Variants in CDK8 observed in about 807,000 individuals in gnomAD.
The protein encoded by CDK8 is cyclin dependent kinase 8, also known as cyclin-dependent kinase 8.
CDK8 carries 29 observed loss-of-function variants against 71.5 expected under a neutral mutation model. The ratio of observed to expected loss-of-function variants is 0.41; its 90% CI spans 0.30 to 0.55. CDK8 has a LOEUF of 0.55. CDK8 is among the 20% of genes least tolerant of loss of function. The pLI, the probability that CDK8 is intolerant of heterozygous loss-of-function variation, is 0.37. For missense variants in CDK8, 288 were observed against 572.6 expected (o/e 0.50, Z 5.07); for synonymous variants, 161 against 192.1 (o/e 0.84, Z 1.34).
At chr13:26,333,932 G>A (rs1190952847) in intron 1 of CDK8, among the ~76,000 whole-genome samples, 3 of 152,268 alleles carry the variant, frequency 2.0e-5, no homozygotes, top group East Asian at 1.9e-4. Flanking sequence ...CTAAAAAAAT[G>A]TGTGGATGGA....
intron 6 of CDK8, among the ~76,000 whole-genome samples, chr13:26,388,886 G>C (rs1875606726): frequency 1.3e-5 from 2 of 152,100 alleles, no homozygotes; most frequent in Non-Finnish European, 2.9e-5. Flanking sequence ...CATTTATTGG[G>C]TAACTACTAT....
chr13:26,337,073 CGTGA>C (rs1873027104), intron 1 of CDK8, among the ~76,000 whole-genome samples: 3 of 151,976 alleles, frequency 2.0e-5, no homozygotes, highest in African/African-American at 7.2e-5. Context: ...ACACATGTTG[CGTGA>C]GTGTCTTTGA....
intron 4 of CDK8, among the ~76,000 whole-genome samples, chr13:26,361,434 C>T (rs1010459862): frequency 2.6e-5 from 4 of 152,162 alleles, no homozygotes; most frequent in African/African-American, 9.7e-5. Context: ...ACCTAAACTA[C>T]CAAACATCAG....
intron 1 of CDK8, among the ~76,000 whole-genome samples, chr13:26,332,104 T>A (rs529109944): frequency 1.1e-3 from 175 of 152,316 alleles, no homozygotes; most frequent in Non-Finnish European, 1.7e-3. Context: ...GATTTCTTTC[T>A]TGGTTGGATC....
intron 3 of CDK8, among the ~76,000 whole-genome samples, chr13:26,352,340 C>T (rs1275276458): frequency 3.3e-5 from 5 of 152,006 alleles, no homozygotes; most frequent in Admixed American, 2.6e-4. Flanking sequence ...CTCAGCCTCC[C>T]GAGTAGCTGG....
chr13:26,371,662 C>T (rs1874692998), intron 4 of CDK8, among the ~76,000 whole-genome samples: 1 of 152,116 alleles, frequency 6.6e-6, no homozygotes, highest in Admixed American at 6.5e-5. Flanking sequence ...GTCGCCCATG[C>T]TGGAGTGCAA....
chr13:26,263,960 G>A (rs1476056335), intron 1 of CDK8, among the ~76,000 whole-genome samples: 1 of 147,656 alleles, frequency 6.8e-6, no homozygotes. Flanking sequence ...TGTTAGCCAG[G>A]ATGGTCTTGA....
At chr13:26,389,493 C>G (rs1467382451) in intron 6 of CDK8, among the ~76,000 whole-genome samples, 3 of 151,966 alleles carry the variant, frequency 2.0e-5, no homozygotes, top group African/African-American at 7.2e-5. Flanking sequence ...AAAACAGCTG[C>G]CTTCTGAGGC....
At chr13:26,315,157 G>GCAC (rs1874451268) in intron 1 of CDK8, among the ~76,000 whole-genome samples, 1 of 152,102 alleles carries the variant, frequency 6.6e-6, no homozygotes, top group African/African-American at 2.4e-5. Context: ...AGCACTCAAA[G>GCAC]TGTATAATTT....
intron 1 of CDK8, among the ~76,000 whole-genome samples, chr13:26,290,830 T>C (rs1483313281): frequency 1.2e-4 from 18 of 151,924 alleles, no homozygotes; most frequent in Non-Finnish European, 4.4e-5. Flanking sequence ...AAAAAACAAA[T>C]TCTGGGCCAG....
intron 1 of CDK8, among the ~76,000 whole-genome samples, chr13:26,260,120 C>A (rs1267564026): frequency 6.6e-6 from 1 of 152,032 alleles, no homozygotes. Context: ...TTTCTGCAGA[C>A]CCCAGCAAAT....
intron 6 of CDK8, among the ~76,000 whole-genome samples, chr13:26,387,760 G>C (rs749573325): frequency 2.0e-5 from 3 of 152,192 alleles, no homozygotes; most frequent in African/African-American, 7.2e-5. Flanking sequence ...CACATGGCCA[G>C]TTTCTTCTTC....
At chr13:26,353,707 A>C (rs954097581) in intron 3 of CDK8, 33 bp from the exon 4 acceptor site, 3 of 1,520,480 alleles carry the variant, frequency 2.0e-6, no homozygotes, top group Admixed American at 4.2e-5. Flanking sequence ...TCCTTTTTTT[A>C]AGCTTCTGTT....
At chr13:26,289,823 T>A (rs1014688034) in intron 1 of CDK8, among the ~76,000 whole-genome samples, 3 of 152,230 alleles carry the variant, frequency 2.0e-5, no homozygotes, top group African/African-American at 7.2e-5. Flanking sequence ...GTGCTGGGAT[T>A]ACAGGCGTGA....
chr13:26,296,061 T>C (rs1357305737), intron 1 of CDK8, among the ~76,000 whole-genome samples: 1 of 152,186 alleles, frequency 6.6e-6, no homozygotes, highest in Non-Finnish European at 1.5e-5. Context: ...CACTCTACTT[T>C]TTAGCCAGGA....
chr13:26,374,043 A>AAAAAAAAAAAAAAAT (rs147290719), intron 4 of CDK8, among the ~76,000 whole-genome samples: 3 of 111,856 alleles, frequency 2.7e-5, no homozygotes, highest in Non-Finnish European at 5.3e-5. Flanking sequence ...AAAAACAAAA[A>AAAAAAAAAAAAAAAT]ACAAAAAATT....
chr13:26,338,971 G>A (rs200440456), intron 2 of CDK8, among the ~76,000 whole-genome samples: 1 of 13,752 alleles, frequency 7.3e-5, no homozygotes, highest in African/African-American at 3.5e-4. Flanking sequence ...TTAACAAACT[G>A]TTTTTTATTA....
chr13:26,306,367 C>T (rs1039106675), intron 1 of CDK8, among the ~76,000 whole-genome samples: 2 of 152,098 alleles, frequency 1.3e-5, no homozygotes, highest in Admixed American at 1.3e-4. Flanking sequence ...ATTTCTTTGA[C>T]TATCATTAAA....
At chr13:26,333,559 G>A (rs1040256086) in intron 1 of CDK8, among the ~76,000 whole-genome samples, 11 of 152,186 alleles carry the variant, frequency 7.2e-5, no homozygotes, top group African/African-American at 2.7e-4. Flanking sequence ...GTGATTCACA[G>A]GAGTGGCAGA....
Sources: gnomAD v4.1 joint callset for allele counts (sites outside exome capture counted in the v4.1 genomes callset) on GRCh38, gnomAD v4.1.1 for gene constraint, MANE v1.5 for transcripts, NCBI Gene and HGNC (gene_info 2026-07-23, HGNC 2026-07-21) for gene names.